The following SNRPN variants were observed in gnomAD, a reference collection of about 807,000 sequenced individuals.
SNRPN encodes the protein small nuclear ribonucleoprotein-associated protein N.
In SNRPN, 7 loss-of-function variants were observed where a neutral mutation model predicts 25.2. That is an observed-to-expected ratio of 0.28 (90% CI 0.16 to 0.52). The LOEUF (loss-of-function observed/expected upper bound fraction) is 0.52. SNRPN is among the 20% of genes least tolerant of loss of function. SNRPN has a pLI of 0.96. For synonymous variants in SNRPN, 124 were observed against 110.6 expected (o/e 1.12, Z -0.76); for missense variants, 196 against 322.5 (o/e 0.61, Z 3.00).
chr15:24,943,002 A>C (rs2061649682), intron 3 of SNRPN, among the ~76,000 whole-genome samples: 1 of 150,594 alleles, frequency 6.6e-6, no homozygotes, highest in South Asian at 2.1e-4. Flanking sequence ...CTGAGTGGGC[A>C]TTCACATGGC....
intron 1 of SNRPN, among the ~76,000 whole-genome samples, chr15:24,829,135 T>C (rs2050308069): frequency 6.6e-6 from 1 of 152,184 alleles, no homozygotes; most frequent in Non-Finnish European, 1.5e-5. Flanking sequence ...TATTCTGTGT[T>C]GCTCTTTGTT....
intron 1 of SNRPN, among the ~76,000 whole-genome samples, chr15:24,824,349 G>A (rs1031778109): frequency 4.6e-5 from 7 of 152,048 alleles, no homozygotes; most frequent in Admixed American, 1.3e-4. Context: ...AATGAGTGTC[G>A]TCATATTGTT....
Position 24,826,661 on chromosome 15 carries a change from G to A in SNRPN, c.-687+2811G>A, listed in dbSNP as rs80085681. ...AAGAAAAACCTATGATTTAATGGGC[G>A]TGTGTAACACTAGAGGGAAGGTCAG... On this transcript the variant is annotated intron_variant, in intron 1 of 12. Coordinates refer to the SNRPN transcript ENST00000400100. Among the ~76,000 whole-genome samples the A allele has an allele frequency of 7.4e-4, 113 of 152,172 alleles. 1 individual carries two copies. The highest frequency in any genetic ancestry group is 2.4e-3 in the African/African-American group (100 of 41,454).
chr15:24,880,583 G>A (rs762522889), intron 1 of SNRPN, among the ~76,000 whole-genome samples: 3 of 152,126 alleles, frequency 2.0e-5, no homozygotes, highest in Non-Finnish European at 4.4e-5. Context: ...TTCAGTAGGA[G>A]AGACAGGGCA....
intron 1 of SNRPN, among the ~76,000 whole-genome samples, chr15:24,867,700 A>G (rs2054712187): frequency 6.6e-6 from 1 of 152,098 alleles, no homozygotes; most frequent in East Asian, 1.9e-4. Context: ...TAGAGAACAT[A>G]TGGTTAAGTC....
In SNRPN at chr15:24,969,613, T is replaced by TAGGAATTTTTTAGCTTCTC. The variant is rs527246664; in HGVS notation, c.-144+1534_-144+1552dup. Among the ~76,000 whole-genome samples the TAGGAATTTTTTAGCTTCTC allele has an allele frequency of 5.0e-3, 763 of 152,326 alleles. 5 individuals carry two copies. The highest frequency in any genetic ancestry group is 0.017 in the African/African-American group (721 of 41,558). ...TGTGCACAACTGATTTTTTACTTTT[T>TAGGAATTTTTTAGCTTCTC]AGGAATTTTTTAGCTTCTCAGTTCA... On this transcript the variant is annotated intron_variant, in intron 3 of 9. Coordinates refer to ENST00000390687, the MANE Select transcript of SNRPN (RefSeq NM_003097.6).
At chr15:24,965,694 A>ATAT (rs2075515937) in intron 2 of SNRPN, among the ~76,000 whole-genome samples, 1 of 152,274 alleles carries the variant, frequency 6.6e-6, no homozygotes, top group South Asian at 2.1e-4. Context: ...TTGTCTTAAT[A>ATAT]TATTTTATGC....
chr15:24,901,667 A>G (rs1339269323), intron 2 of SNRPN, among the ~76,000 whole-genome samples: 2 of 152,240 alleles, frequency 1.3e-5, no homozygotes, highest in Non-Finnish European at 2.9e-5. Context: ...GAGTGGGCAT[A>G]TTTGCAAATA....
chr15:24,900,743 G>A (rs536118099), intron 2 of SNRPN, among the ~76,000 whole-genome samples: 3 of 152,238 alleles, frequency 2.0e-5, no homozygotes, highest in East Asian at 1.9e-4. Flanking sequence ...TTATACTAAG[G>A]AGGACAAAAT....
chr15:24,951,658 C>A (rs2062284976), upstream of SNRPN, among the ~76,000 whole-genome samples: 1 of 151,956 alleles, frequency 6.6e-6, no homozygotes, highest in African/African-American at 2.4e-5. Context: ...CAGACATGTG[C>A]CACCATGCCC....
intron 3 of SNRPN, among the ~76,000 whole-genome samples, chr15:24,925,985 C>T (rs1595944610): frequency 6.6e-6 from 1 of 152,146 alleles, no homozygotes; most frequent in Admixed American, 6.5e-5. Flanking sequence ...CCGCCCGCCT[C>T]GGCCTCCCAA....
intron 2 of SNRPN, among the ~76,000 whole-genome samples, chr15:24,903,261 C>T (rs972180795): frequency 2.0e-5 from 3 of 152,172 alleles, no homozygotes; most frequent in Non-Finnish European, 4.4e-5. Context: ...TGTTTAGATA[C>T]ATTCATTAGC....
At chr15:24,913,629 T>C (rs900419214) in intron 2 of SNRPN, among the ~76,000 whole-genome samples, 1 of 150,380 alleles carries the variant, frequency 6.6e-6, no homozygotes, top group African/African-American at 2.5e-5. Flanking sequence ...CTGGGTGACA[T>C]AGTGAGACTC....
rs1348791728 is a variant in SNRPN, at chr15:24,977,048, G to A, written c.420+19G>A. ...CCAGCAGGTGAGGAACCAGCAGAGG[G>A]TTTTATATTATTGGGAGAATATGAC... On this transcript the variant is annotated intron_variant, in intron 7 of 9. Coordinates refer to ENST00000390687, the MANE Select transcript of SNRPN (RefSeq NM_003097.6). 1 of 1,540,390 alleles carries A rather than the reference G, an allele frequency of 6.5e-7. No homozygotes were observed. The highest frequency in any genetic ancestry group is 2.3e-5 in the East Asian group (1 of 43,244).
At chr15:24,907,270 A>T (rs1170409385) in intron 2 of SNRPN, among the ~76,000 whole-genome samples, 1 of 152,114 alleles carries the variant, frequency 6.6e-6, no homozygotes, top group Non-Finnish European at 1.5e-5. Context: ...AATAATCCCC[A>T]CTGCTATGGT....
chr15:24,921,784 C>T (rs895710865), intron 3 of SNRPN, among the ~76,000 whole-genome samples: 5 of 152,210 alleles, frequency 3.3e-5, no homozygotes, highest in Middle Eastern at 3.4e-3. Flanking sequence ...AGTATTGTTG[C>T]GAATTAAATA....
intron 3 of SNRPN, among the ~76,000 whole-genome samples, chr15:24,944,342 T>C (rs1475443306): frequency 6.6e-6 from 1 of 152,220 alleles, no homozygotes; most frequent in African/African-American, 2.4e-5. Context: ...CTCATTATAC[T>C]TGTTAGTTTG....
chr15:24,876,821 G>A (rs1164060362), intron 1 of SNRPN, among the ~76,000 whole-genome samples: 2 of 152,088 alleles, frequency 1.3e-5, no homozygotes, highest in African/African-American at 4.8e-5. Flanking sequence ...TTAGTATTGA[G>A]GTAGAGAATG....
At chr15:24,928,174 G>A (rs2060540550) in intron 3 of SNRPN, among the ~76,000 whole-genome samples, 1 of 152,138 alleles carries the variant, frequency 6.6e-6, no homozygotes, top group Non-Finnish European at 1.5e-5. Context: ...AGTATGCAGA[G>A]TCCTCAAAAA....
Sources: gnomAD v4.1 joint callset for allele counts (sites outside exome capture counted in the v4.1 genomes callset) on GRCh38, gnomAD v4.1.1 for gene constraint, MANE v1.5 for transcripts, NCBI Gene and HGNC (gene_info 2026-07-23, HGNC 2026-07-21) for gene names.